PPP2R3B: variants seen among roughly 807,000 people sequenced by gnomAD.
PPP2R3B encodes the protein serine/threonine-protein phosphatase 2A regulatory subunit B'' subunit beta.
In PPP2R3B, 68 loss-of-function variants were observed where a neutral mutation model predicts 72.9. The ratio of observed to expected loss-of-function variants is 0.93; its 90% CI spans 0.77 to 1.14. The LOEUF (loss-of-function observed/expected upper bound fraction) is 1.14. PPP2R3B is among the 50% of genes most tolerant of loss of function. PPP2R3B has a pLI of 0.00. For missense variants in PPP2R3B, 1,018 were observed against 842.0 expected (o/e 1.21, Z -2.59); for synonymous variants, 466 against 375.8 (o/e 1.24, Z -2.78).
intron 1 of PPP2R3B, among the ~76,000 whole-genome samples, chrX:376,611 C>T (rs775931971): frequency 1.9e-5 from 1 of 52,970 alleles, no homozygotes; most frequent in East Asian, 5.8e-4. Flanking sequence ...CCAGTGGGGC[C>T]GCCATGGGGC....
At chrX:383,819 C>A (rs1415678703) in intron 1 of PPP2R3B, among the ~76,000 whole-genome samples, 1 of 109,194 alleles carries the variant, frequency 9.2e-6, no homozygotes, top group Non-Finnish European at 1.7e-5. Context: ...GCCTGGGGGA[C>A]AGAGCGAGAC....
intron 1 of PPP2R3B, among the ~76,000 whole-genome samples, chrX:380,639 G>T (rs1395346468): frequency 6.6e-6 from 1 of 151,932 alleles, no homozygotes; most frequent in Non-Finnish European, 1.5e-5. Context: ...TACAAAACTA[G>T]CCGGGCGTGG....
At chrX:354,945 G>C (rs559606443) in intron 2 of PPP2R3B, among the ~76,000 whole-genome samples, 4 of 152,264 alleles carry the variant, frequency 2.6e-5, no homozygotes, top group African/African-American at 7.2e-5. Flanking sequence ...GCTGCGTCAC[G>C]GACGACTTGA....
intron 1 of PPP2R3B, among the ~76,000 whole-genome samples, chrX:376,841 T>G (rs1432031207): frequency 8.7e-6 from 1 of 115,006 alleles, no homozygotes. Context: ...CCGTCCACAG[T>G]GGGGCCGCCA....
At position 351,352 on chromosome X, in the gene PPP2R3B, G is replaced by A. The variant is rs1191288561; in HGVS notation, c.511-3659C>T. ...GCCGTGCAGGTTTCAAACCCCAAGC[G>A]CTCAACACCCAGGGATGGGGGGATG... On this transcript the variant is annotated intron_variant, in intron 2 of 12. Coordinates refer to ENST00000390665, the MANE Select transcript of PPP2R3B (RefSeq NM_013239.5). Among the ~76,000 whole-genome samples, 9 of 152,268 alleles carry A rather than the reference G, an allele frequency of 5.9e-5. No homozygotes were observed. In the East Asian group the frequency reaches 1.4e-3, roughly 23 times the overall value.
chrX:350,539 G>A (rs1354499956), intron 2 of PPP2R3B, among the ~76,000 whole-genome samples: 4 of 147,194 alleles, frequency 2.7e-5, no homozygotes, highest in Non-Finnish European at 4.4e-5. Context: ...GCCCGAACAC[G>A]ACCGAGTGGA....
At chrX:367,015 G>C (rs1263971654) in intron 1 of PPP2R3B, among the ~76,000 whole-genome samples, 3 of 149,308 alleles carry the variant, frequency 2.0e-5, no homozygotes, top group Non-Finnish European at 2.9e-5. Flanking sequence ...GTGACAGAGT[G>C]AGACTCTGTC....
At chrX:346,316 C>T (rs2071211470) in intron 5 of PPP2R3B, 56 bp from the exon 6 acceptor site, 15 of 1,503,654 alleles carry the variant, frequency 1.0e-5, no homozygotes, top group African/African-American at 1.4e-5. Context: ...AGCCTCGCCC[C>T]GCACGGAGAC....
At chrX:338,081 G>A (rs780995743) in intron 12 of PPP2R3B, 7 of 172,680 alleles carry the variant, frequency 4.1e-5, no homozygotes, top group South Asian at 2.9e-4. Context: ...GTGAAGAGGG[G>A]GTGAAAACAT....
At chrX:359,961 T>A (rs1348294800) in intron 2 of PPP2R3B, 8 of 394,662 alleles carry the variant, frequency 2.0e-5, no homozygotes, top group Non-Finnish European at 3.0e-5. Context: ...CAAAACTTTT[T>A]AAAATACTTT....
At chrX:383,665 G>A (rs1215862800) in intron 1 of PPP2R3B, among the ~76,000 whole-genome samples, 3 of 151,470 alleles carry the variant, frequency 2.0e-5, no homozygotes, top group African/African-American at 4.8e-5. Flanking sequence ...GTGAAACCCC[G>A]TCTCTACTAA....
intron 1 of PPP2R3B, among the ~76,000 whole-genome samples, chrX:381,073 ATGAACCACCATGCC>A (rs1451437154): frequency 6.6e-6 from 1 of 151,924 alleles, no homozygotes; most frequent in Non-Finnish European, 1.5e-5. Context: ...GACTTCAGGC[ATGAACCACCATGCC>A]TGGCTGATTT....
intron 2 of PPP2R3B, among the ~76,000 whole-genome samples, chrX:351,871 T>A (rs1001121335): frequency 1.6e-4 from 24 of 152,270 alleles, no homozygotes; most frequent in African/African-American, 3.4e-4. Flanking sequence ...GTAATTTTTT[T>A]AATTTCTACA....
intron 1 of PPP2R3B, among the ~76,000 whole-genome samples, chrX:384,813 T>C (rs2072208558): frequency 6.6e-6 from 1 of 151,784 alleles, no homozygotes; most frequent in African/African-American, 2.4e-5. Flanking sequence ...GGTGAAAGCC[T>C]GCCTCTACTA....
At chrX:361,672 C>A in intron 1 of PPP2R3B, 82 bp from the exon 2 acceptor site, 1 of 1,533,104 alleles carries the variant, frequency 6.5e-7, no homozygotes, top group Non-Finnish European at 8.9e-7. Flanking sequence ...CGGGGCCTCT[C>A]TAGGGCCGAC....
intron 2 of PPP2R3B, among the ~76,000 whole-genome samples, chrX:347,992 G>A (rs950271177): frequency 2.0e-4 from 31 of 152,166 alleles, no homozygotes; most frequent in African/African-American, 6.0e-4. Flanking sequence ...CAAGCGGCAC[G>A]TACTAAGAAC....
intron 1 of PPP2R3B, among the ~76,000 whole-genome samples, chrX:376,139 C>T (rs1219656908): frequency 3.3e-5 from 5 of 151,194 alleles, no homozygotes; most frequent in Non-Finnish European, 7.4e-5. Flanking sequence ...TGCAGTGAGC[C>T]GAGATTGCGC....
chrX:378,713 T>C (rs1020960230), intron 1 of PPP2R3B, among the ~76,000 whole-genome samples: 9 of 151,900 alleles, frequency 5.9e-5, no homozygotes, highest in African/African-American at 2.2e-4. Context: ...CTTTACACAG[T>C]TTCCATGGTT....
Position 348,253 on chromosome X carries a change from G to A in PPP2R3B, c.511-560C>T, listed in dbSNP as rs756561622. Among the ~76,000 whole-genome samples the A allele has an allele frequency of 4.7e-5, 7 of 150,390 alleles. No homozygotes were observed. In the South Asian group the frequency reaches 1.3e-3, roughly 27 times the overall value. On this transcript the variant is annotated intron_variant, in intron 2 of 12. Coordinates refer to ENST00000390665, the MANE Select transcript of PPP2R3B (RefSeq NM_013239.5). ...CAGAAAATCAACAAAATCAAAACTC[G>A]ATGATTTGAAAGATTTCTTAAAAAT... is the stretch of plus-strand genomic sequence containing the variant.
Sources: allele counts gnomAD v4.1 joint callset (sites outside exome capture counted in the v4.1 genomes callset), GRCh38; gene constraint gnomAD v4.1.1; transcripts MANE v1.5; gene names NCBI Gene and HGNC (gene_info 2026-07-23, HGNC 2026-07-21).